NRXN3: variants seen among roughly 807,000 people sequenced by gnomAD.
NRXN3 encodes the protein neurexin III.
Under a neutral mutation model 137.6 loss-of-function variants are expected in NRXN3, and 32 were observed. The observed-to-expected ratio is 0.23, with a 90% CI of 0.18 to 0.31. The LOEUF (loss-of-function observed/expected upper bound fraction) is 0.31, where lower values mean the gene tolerates loss of function less well. Among genes scored for constraint, NRXN3 ranks in the 10% least tolerant of loss-of-function variants. The pLI is 1.00. For missense variants in NRXN3, 1,574 were observed against 2,062.5 expected (o/e 0.76, Z 4.59); for synonymous variants, 798 against 784.5 (o/e 1.02, Z -0.29).
intron 1 of NRXN3, among the ~76,000 whole-genome samples, chr14:78,175,800 C>T (rs8022197): frequency 0.026 from 3,933 of 152,316 alleles, 168 homozygotes; most frequent in African/African-American, 0.09. Flanking sequence ...TCCTGACCAG[C>T]TTTCTAAAAT....
intron 4 of NRXN3, among the ~76,000 whole-genome samples, chr14:78,358,987 T>C (rs2084726980): frequency 6.6e-6 from 1 of 152,186 alleles, no homozygotes; most frequent in Non-Finnish European, 1.5e-5. Flanking sequence ...GTATTTATTA[T>C]AGGAAGAGAT....
At chr14:79,342,264 G>T (rs533464246) in intron 15 of NRXN3, among the ~76,000 whole-genome samples, 1 of 152,186 alleles carries the variant, frequency 6.6e-6, no homozygotes, top group Non-Finnish European at 1.5e-5. Flanking sequence ...GACTGTTGAT[G>T]CTGGGTTGAA....
At chr14:78,813,045 T>G (rs2098919400) in intron 10 of NRXN3, among the ~76,000 whole-genome samples, 1 of 152,096 alleles carries the variant, frequency 6.6e-6, no homozygotes, top group South Asian at 2.1e-4. Context: ...TTTCTGAAGC[T>G]AATTTTAATT....
chr14:79,769,514 A>C (rs2099069191), intron 19 of NRXN3, among the ~76,000 whole-genome samples: 2 of 152,202 alleles, frequency 1.3e-5, no homozygotes, highest in South Asian at 4.1e-4. Context: ...TCTCATATCC[A>C]GCCAAACTAA....
At chr14:78,259,237 G>A (rs912862340) in intron 2 of NRXN3, among the ~76,000 whole-genome samples, 48 of 152,062 alleles carry the variant, frequency 3.2e-4, no homozygotes, top group African/African-American at 1.1e-3. Flanking sequence ...TTTTGCACAT[G>A]ACAGAGTTTC....
At chr14:79,779,166 T>A (rs2099106336) in intron 19 of NRXN3, among the ~76,000 whole-genome samples, 1 of 152,190 alleles carries the variant, frequency 6.6e-6, no homozygotes, top group Admixed American at 6.5e-5. Flanking sequence ...CAGGCTAGAG[T>A]GCAATGGCTC....
In NRXN3 at chr14:78,458,285, G is replaced by A. The variant is rs975653354; in HGVS notation, c.757+160425G>A. The stretch of plus-strand genomic sequence containing the variant: ...CAGAGGACTCAAACTGTGCAGAAAT[G>A]TGAGATATTCACAGAGAATTGTCTT... On this transcript the variant is annotated intron_variant, in intron 4 of 20. Transcript: ENST00000335750. Among the ~76,000 whole-genome samples the A allele has an allele frequency of 3.9e-5, 6 of 152,188 alleles. No homozygotes were observed. In the South Asian group the frequency reaches 1.2e-3, roughly 32 times the overall value.
intron 15 of NRXN3, among the ~76,000 whole-genome samples, chr14:79,331,504 C>T (rs1215828140): frequency 6.6e-6 from 1 of 152,142 alleles, no homozygotes; most frequent in Non-Finnish European, 1.5e-5. Context: ...AGATTTGCCT[C>T]AAGCTTTCTA....
At chr14:78,302,029 CCA>C (rs2076922642) in intron 4 of NRXN3, among the ~76,000 whole-genome samples, 1 of 152,252 alleles carries the variant, frequency 6.6e-6, no homozygotes, top group Admixed American at 6.5e-5. Context: ...GGCTGTATCT[CCA>C]CCTCTCCACT....
At chr14:79,019,020 A>C (rs2152433087) in intron 15 of NRXN3, among the ~76,000 whole-genome samples, 1 of 152,204 alleles carries the variant, frequency 6.6e-6, no homozygotes, top group East Asian at 1.9e-4. Flanking sequence ...CTGTCTACCA[A>C]AGCTGGAAAC....
intron 4 of NRXN3, among the ~76,000 whole-genome samples, chr14:78,563,807 T>C (rs2096810913): frequency 1.3e-5 from 2 of 152,098 alleles, no homozygotes; most frequent in African/African-American, 4.8e-5. Flanking sequence ...TGCAAGCAGG[T>C]TGGGGTTCTA....
At chr14:79,093,850 C>A (rs2049694543) in intron 15 of NRXN3, among the ~76,000 whole-genome samples, 1 of 152,014 alleles carries the variant, frequency 6.6e-6, no homozygotes, top group African/African-American at 2.4e-5. Flanking sequence ...TTCTACATGA[C>A]CGGGCTTTAG....
At chr14:79,576,077 C>T (rs1215883181) in intron 16 of NRXN3, among the ~76,000 whole-genome samples, 1 of 152,152 alleles carries the variant, frequency 6.6e-6, no homozygotes, top group Non-Finnish European at 1.5e-5. Flanking sequence ...TGTGTAGTTG[C>T]TTTTCTCTCT....
Position 79,330,127 on chromosome 14 carries a change from G to A in NRXN3, c.3263-137094G>A, listed in dbSNP as rs35293881. Among the ~76,000 whole-genome samples, 1,054 of 152,048 alleles carry A rather than the reference G, an allele frequency of 6.9e-3. 3 individuals carry two copies. Among genetic ancestry groups the A allele is most frequent in the African/African-American group, 9.6e-3 (400 of 41,500 alleles). ...TTACAGGTGTGAGCCACCGTGCCTC[G>A]CCCATCAAAAGAGATTTTTAGTGAA... On this transcript the variant is annotated intron_variant, in intron 15 of 20. Coordinates refer to ENST00000335750, the MANE Select transcript of NRXN3 (RefSeq NM_001330195.2).
intron 2 of NRXN3, among the ~76,000 whole-genome samples, chr14:78,256,117 A>G (rs994791091): frequency 2.0e-5 from 3 of 151,982 alleles, no homozygotes; most frequent in Non-Finnish European, 4.4e-5. Context: ...ATGATTTCCT[A>G]TAACAATTAT....
At chr14:78,967,558 C>T (rs2270963) in intron 13 of NRXN3, among the ~76,000 whole-genome samples, 160 bp downstream of exon 13, 29,596 of 151,966 alleles carry the variant, frequency 0.19, 4,377 homozygotes, top group East Asian at 0.45. Flanking sequence ...CAATTTTTTC[C>T]GTTTTTACTT....
At chr14:79,447,299 G>T (rs1209441529) in intron 15 of NRXN3, among the ~76,000 whole-genome samples, 2 of 152,082 alleles carry the variant, frequency 1.3e-5, no homozygotes, top group African/African-American at 4.8e-5. Context: ...TTTCTGAAAA[G>T]ACAGAGTATA....
rs559201038 is a variant in NRXN3, at chr14:79,260,272, C to A, written c.3263-206949C>A. On this transcript the variant is annotated intron_variant, in intron 15 of 20. Transcript: ENST00000335750. Reference sequence around the variant, plus strand: ...ACTCACATATCCATATCTATAAATTCTATTTTATAAGACTCTAGCTAAAAC... The same window carrying A: ...ACTCACATATCCATATCTATAAATTATATTTTATAAGACTCTAGCTAAAAC... 3.9e-5 allele frequency among the ~76,000 whole-genome samples: 6 copies of A among 152,146 alleles called. No homozygotes were observed. In the South Asian group the frequency reaches 1.0e-3, roughly 26 times the overall value.
intron 15 of NRXN3, among the ~76,000 whole-genome samples, chr14:79,242,635 A>G (rs563032191): frequency 3.1e-4 from 47 of 152,168 alleles, no homozygotes; most frequent in African/African-American, 1.1e-3. Flanking sequence ...TAAGTGTACT[A>G]ATGGCATCTG....
Sources: allele counts gnomAD v4.1 joint callset (sites outside exome capture counted in the v4.1 genomes callset), GRCh38; gene constraint gnomAD v4.1.1; transcripts MANE v1.5; gene names NCBI Gene and HGNC (gene_info 2026-07-23, HGNC 2026-07-21).